ZBTB20: variants seen among roughly 807,000 people sequenced by gnomAD.
ZBTB20 encodes zinc finger and BTB domain containing 20, also known as zinc finger and BTB domain-containing protein 20.
Under a neutral mutation model 56.9 loss-of-function variants are expected in ZBTB20, and 9 were observed. The ratio of observed to expected loss-of-function variants is 0.16; its 90% CI spans 0.10 to 0.28. ZBTB20 has a LOEUF of 0.28. ZBTB20 is among the 10% of genes least tolerant of loss of function. The pLI, the probability that ZBTB20 is intolerant of heterozygous loss-of-function variation, is 1.00. For missense variants in ZBTB20, 655 were observed against 1,003.0 expected (o/e 0.65, Z 4.69); for synonymous variants, 417 against 420.7 (o/e 0.99, Z 0.11).
At chr3:114,864,037 T>C (rs1458822711) in intron 4 of ZBTB20, among the ~76,000 whole-genome samples, 1 of 152,064 alleles carries the variant, frequency 6.6e-6, no homozygotes, top group Non-Finnish European at 1.5e-5. Flanking sequence ...AAAAATGTGA[T>C]ATTGATGTAT....
intron 1 of ZBTB20, among the ~76,000 whole-genome samples, chr3:115,129,816 T>C (rs928479145): frequency 2.6e-5 from 4 of 152,042 alleles, no homozygotes; most frequent in African/African-American, 7.2e-5. Context: ...ACCAGAAAAA[T>C]AAACGAAGAA....
intron 5 of ZBTB20, among the ~76,000 whole-genome samples, chr3:114,800,262 T>C (rs2071616693): frequency 6.6e-6 from 1 of 151,932 alleles, no homozygotes; most frequent in African/African-American, 2.4e-5. Flanking sequence ...TTAAAAATGC[T>C]TTTCTTTTTT....
At chr3:115,089,813 G>A (rs553570723) in intron 1 of ZBTB20, among the ~76,000 whole-genome samples, 1 of 151,732 alleles carries the variant, frequency 6.6e-6, no homozygotes, top group South Asian at 2.1e-4. Flanking sequence ...GCAATATCTC[G>A]CTTCCTTAAT....
chr3:114,896,438 C>T (rs1479047013), intron 4 of ZBTB20, among the ~76,000 whole-genome samples: 1 of 152,078 alleles, frequency 6.6e-6, no homozygotes, highest in Non-Finnish European at 1.5e-5. Flanking sequence ...GAAATCCTGA[C>T]ATGTACTACC....
chr3:115,052,556 G>C (rs1241623885), intron 2 of ZBTB20, among the ~76,000 whole-genome samples: 1 of 152,002 alleles, frequency 6.6e-6, no homozygotes, highest in African/African-American at 2.4e-5. Flanking sequence ...ACTAATAAAT[G>C]GAAATTCGTC....
At chr3:115,120,721 T>C (rs2084161402) in intron 1 of ZBTB20, among the ~76,000 whole-genome samples, 2 of 152,186 alleles carry the variant, frequency 1.3e-5, no homozygotes, top group South Asian at 4.1e-4. Context: ...ACCAAACTAG[T>C]TCACGAGAAA....
At chr3:115,143,829 T>C (rs1236154998) in intron 1 of ZBTB20, among the ~76,000 whole-genome samples, 1 of 152,220 alleles carries the variant, frequency 6.6e-6, no homozygotes, top group East Asian at 1.9e-4. Flanking sequence ...AACTAAGATC[T>C]TTCTTTCCTA....
At chr3:114,558,437 T>G (rs2051542626) in intron 6 of ZBTB20, among the ~76,000 whole-genome samples, 1 of 152,024 alleles carries the variant, frequency 6.6e-6, no homozygotes, top group African/African-American at 2.4e-5. Flanking sequence ...GAAAGAACAC[T>G]TTTACGCCCC....
intron 1 of ZBTB20, among the ~76,000 whole-genome samples, chr3:115,120,915 A>G (rs2084165852): frequency 6.6e-6 from 1 of 152,130 alleles, no homozygotes; most frequent in Non-Finnish European, 1.5e-5. Flanking sequence ...GGCAAAAAAT[A>G]GCCACAATTT....
At chr3:114,518,647 T>C (rs114821509) in intron 6 of ZBTB20, 59 of 152,264 alleles carry the variant, frequency 3.9e-4, no homozygotes, top group African/African-American at 1.4e-3. Flanking sequence ...CCCTGGTAAG[T>C]AGAAGAGTGC....
intron 6 of ZBTB20, among the ~76,000 whole-genome samples, chr3:114,588,761 A>G (rs898024588): frequency 6.6e-6 from 1 of 152,156 alleles, no homozygotes; most frequent in African/African-American, 2.4e-5. Flanking sequence ...TCTCCACTGT[A>G]GGATACTTCT....
intron 6 of ZBTB20, among the ~76,000 whole-genome samples, chr3:114,536,808 C>T (rs1368210288): frequency 6.6e-6 from 1 of 152,070 alleles, no homozygotes; most frequent in African/African-American, 2.4e-5. Context: ...ACCAATGGAA[C>T]AGAAAGAGGC....
chr3:114,799,860 T>C (rs2071589617), intron 5 of ZBTB20, among the ~76,000 whole-genome samples: 2 of 151,860 alleles, frequency 1.3e-5, no homozygotes, highest in Non-Finnish European at 2.9e-5. Context: ...AAAAATGAAC[T>C]TAGCAGGAAT....
At chr3:114,627,827 C>T (rs934036835) in intron 6 of ZBTB20, among the ~76,000 whole-genome samples, 4 of 152,128 alleles carry the variant, frequency 2.6e-5, no homozygotes, top group African/African-American at 7.2e-5. Context: ...GCTCTAAATT[C>T]ATCTTTTCTT....
intron 7 of ZBTB20, among the ~76,000 whole-genome samples, chr3:114,468,480 T>G (rs2092635737): frequency 6.6e-6 from 1 of 152,196 alleles, no homozygotes; most frequent in Non-Finnish European, 1.5e-5. Context: ...TTTTTCTATA[T>G]GTATGAATAT....
At chr3:114,408,465 G>C (rs944764315) in intron 7 of ZBTB20, among the ~76,000 whole-genome samples, 7 of 151,982 alleles carry the variant, frequency 4.6e-5, no homozygotes, top group African/African-American at 2.4e-5. Context: ...ATAATCACGA[G>C]AGAAAACCTT....
intron 5 of ZBTB20, among the ~76,000 whole-genome samples, chr3:114,798,007 GAGCA>G (rs757682297): frequency 6.6e-6 from 1 of 151,942 alleles, no homozygotes; most frequent in Non-Finnish European, 1.5e-5. Context: ...CAAATGACCA[GAGCA>G]AGTAATTCAT....
chr3:114,694,196 CT>C (rs1412125582), intron 5 of ZBTB20, among the ~76,000 whole-genome samples: 2 of 151,942 alleles, frequency 1.3e-5, no homozygotes, highest in African/African-American at 4.8e-5. Flanking sequence ...GAACTGAAAC[CT>C]TTTAGACCCA....
intron 4 of ZBTB20, among the ~76,000 whole-genome samples, chr3:114,819,277 A>G (rs554941245): frequency 6.6e-6 from 1 of 152,088 alleles, no homozygotes; most frequent in East Asian, 1.9e-4. Flanking sequence ...CAAAGATACT[A>G]ATACTGATTT....
Sources: allele counts gnomAD v4.1 joint callset (sites outside exome capture counted in the v4.1 genomes callset), GRCh38; gene constraint gnomAD v4.1.1; transcripts MANE v1.5; gene names NCBI Gene and HGNC (gene_info 2026-07-23, HGNC 2026-07-21).